PDE8B: variants seen among roughly 807,000 people sequenced by gnomAD.
The protein encoded by PDE8B is phosphodiesterase 8B.
A neutral mutation model predicts 101.3 loss-of-function variants in PDE8B; 26 were observed. The observed-to-expected ratio is 0.26, with a 90% CI of 0.19 to 0.36. PDE8B has a LOEUF of 0.36. Among genes scored for constraint, PDE8B ranks in the 10% least tolerant of loss-of-function variants. PDE8B has a pLI of 1.00. For missense variants in PDE8B, 810 were observed against 1,163.1 expected, an observed-to-expected ratio of 0.70 and a Z score of 4.42; for synonymous variants, 424 against 429.3, an observed-to-expected ratio of 0.99 and a Z score of 0.15.
rs895328683 is a variant in PDE8B at position 77,316,935 on chromosome 5, A to C, written c.399+4882A>C. On this transcript the variant is annotated intron_variant, in intron 2 of 21. Coordinates refer to ENST00000264917, the MANE Select transcript of PDE8B (RefSeq NM_003719.5). ...CTTTGAGTGAAGGACACAATAATTA[A>C]GGGTTTCTTTTAAAAAAGATAATAA... Among the ~76,000 whole-genome samples, 9 of 152,320 alleles carry C rather than the reference A, an allele frequency of 5.9e-5. No individual in the cohort carries two copies. In the East Asian group the frequency reaches 1.7e-3, roughly 29 times the overall value.
chr5:77,394,586 T>A (rs962759661), intron 10 of PDE8B, among the ~76,000 whole-genome samples: 2 of 152,314 alleles, frequency 1.3e-5, no homozygotes, highest in Non-Finnish European at 1.5e-5. Flanking sequence ...GCATATCCAA[T>A]TAATATTGCT....
At chr5:77,378,284 C>T (rs1343703300) in intron 10 of PDE8B, among the ~76,000 whole-genome samples, 2 of 151,660 alleles carry the variant, frequency 1.3e-5, no homozygotes, top group African/African-American at 4.8e-5. Context: ...CATGGTGAAA[C>T]CCTGTCTCTA....
chr5:77,324,065 A>G (rs1215889513), intron 2 of PDE8B, among the ~76,000 whole-genome samples: 1 of 152,214 alleles, frequency 6.6e-6, no homozygotes, highest in Non-Finnish European at 1.5e-5. Context: ...GTGTTTCACC[A>G]TGATGAATAT....
In PDE8B at chr5:77,408,873, T is replaced by C. The variant is rs1355591606; in HGVS notation, c.1366-20T>C. 6.2e-6 allele frequency: 10 copies of C among 1,602,602 alleles called. No homozygotes were observed. The highest frequency in any genetic ancestry group is 8.6e-6 in the Non-Finnish European group (10 of 1,169,556). ...TAGAACCCTATTATCCTCAGATGTA[T>C]TCTTTCTTCACTCCGTTAGGTTATA... is the stretch of plus-strand genomic sequence containing the variant. On this transcript the variant is annotated intron_variant, in intron 13 of 21. Transcript: ENST00000264917.
chr5:77,416,471 C>T (rs1440954266), intron 17 of PDE8B, among the ~76,000 whole-genome samples: 9 of 152,160 alleles, frequency 5.9e-5, no homozygotes, highest in African/African-American at 9.7e-5. Flanking sequence ...TGCAGGTGAC[C>T]GTGGCCTCTC....
chr5:77,210,695 C>T lies in PDE8B; in HGVS notation c.-231C>T, dbSNP rs1167642823. 4.1e-6 allele frequency: 4 copies of T among 980,560 alleles called. No homozygotes were observed. The highest frequency in any genetic ancestry group is 4.8e-6 in the Non-Finnish European group (4 of 827,850). 60.7% of individuals were successfully genotyped at this position (980,560 alleles called of 1,614,324 possible). ...GCGGGGCGCTGTGTATGCGCGCTCC[C>T]CCGCTCGGGGAGGAAGATGGCCCAA... On this transcript the variant is annotated 5_prime_UTR_variant, in exon 1 of 22. Transcript: ENST00000264917. This position sits in a 1 kb window ranked among gnomAD's most constrained non-coding sequence, Gnocchi z 4.9.
the PDE8B span, among the ~76,000 whole-genome samples, chr5:77,155,075 C>A: frequency 6.6e-6 from 1 of 152,116 alleles, no homozygotes; most frequent in African/African-American, 2.4e-5. Context: ...GGAATAACAG[C>A]CCATGTGGCC....
At chr5:77,302,466 C>A (rs1229203617) in intron 1 of PDE8B, among the ~76,000 whole-genome samples, 1 of 152,122 alleles carries the variant, frequency 6.6e-6, no homozygotes, top group African/African-American at 2.4e-5. Flanking sequence ...GTACTGCCTC[C>A]TTCTTTGCAG....
rs1042208068 is a variant in PDE8B at position 77,387,300 on chromosome 5, A to G, written c.1168-12948A>G. 4.6e-5 allele frequency among the ~76,000 whole-genome samples: 7 copies of G among 151,968 alleles called. 1 individual carries two copies. Among genetic ancestry groups the G allele is most frequent in the Admixed American group, 3.9e-4 (6 of 15,270 alleles). ...CTCGGTATTTGCTTGTCTGTAAAGGATTTTATTTCTCCTTCACTTATGAAG... is the reference window on the plus strand; with the variant it reads ...CTCGGTATTTGCTTGTCTGTAAAGGGTTTTATTTCTCCTTCACTTATGAAG... On this transcript the variant is annotated intron_variant, in intron 10 of 21. Coordinates refer to ENST00000264917, the MANE Select transcript of PDE8B (RefSeq NM_003719.5).
At chr5:77,423,829 G>T (rs1027261902) in intron 20 of PDE8B, among the ~76,000 whole-genome samples, 2 of 151,626 alleles carry the variant, frequency 1.3e-5, no homozygotes, top group African/African-American at 4.8e-5. Context: ...TAGAGATGGG[G>T]TTTCCCTGTG....
chr5:77,307,199 G>A (rs1041531684), intron 1 of PDE8B, among the ~76,000 whole-genome samples: 14 of 152,106 alleles, frequency 9.2e-5, no homozygotes, highest in South Asian at 2.1e-4. Flanking sequence ...CAGCACCTTC[G>A]CTTTCCTGCC....
At chr5:77,215,574 A>T (rs1749493470) in intron 1 of PDE8B, among the ~76,000 whole-genome samples, 1 of 152,214 alleles carries the variant, frequency 6.6e-6, no homozygotes, top group Non-Finnish European at 1.5e-5. Flanking sequence ...TCAAGCCAGG[A>T]TGTAACATAG....
chr5:77,278,180 T>C (rs1335177521), intron 1 of PDE8B, among the ~76,000 whole-genome samples: 3 of 152,164 alleles, frequency 2.0e-5, no homozygotes, highest in Non-Finnish European at 4.4e-5. Context: ...ACCTCTTCTA[T>C]AGGTAAACGT....
At chr5:77,318,249 A>C (rs1265856267) in intron 2 of PDE8B, among the ~76,000 whole-genome samples, 1 of 152,142 alleles carries the variant, frequency 6.6e-6, no homozygotes, top group Non-Finnish European at 1.5e-5. Flanking sequence ...AGACTCAGTA[A>C]CTTGCTGTGG....
chr5:77,267,795 G>A (rs537557228), intron 1 of PDE8B, among the ~76,000 whole-genome samples: 1 of 152,194 alleles, frequency 6.6e-6, no homozygotes, highest in Non-Finnish European at 1.5e-5. Context: ...TATGGTATGC[G>A]AAGTGATTAC....
the PDE8B span, among the ~76,000 whole-genome samples, chr5:77,096,604 C>G: frequency 1.3e-5 from 2 of 152,180 alleles, no homozygotes; most frequent in African/African-American, 4.8e-5. Context: ...GGGTAGGGCT[C>G]TCATGACTGA....
Position 77,425,916 on chromosome 5 carries a change from G to A in PDE8B, c.2548+20G>A. Reference sequence around the variant, plus strand: ...GGGATGGTAAGACAGTTACTGTTTTGTCACCCAAAGAAAATTGTTATACTT... The same window carrying A: ...GGGATGGTAAGACAGTTACTGTTTTATCACCCAAAGAAAATTGTTATACTT... On this transcript the variant is annotated intron_variant, in intron 21 of 21. Coordinates refer to ENST00000264917, the MANE Select transcript of PDE8B (RefSeq NM_003719.5). The A allele has an allele frequency of 6.2e-7, 1 of 1,609,756 alleles. No individual in the cohort carries two copies. Among genetic ancestry groups the A allele is most frequent in the Non-Finnish European group, 8.5e-7 (1 of 1,176,278 alleles).
chr5:77,135,778 A>T, the PDE8B span, among the ~76,000 whole-genome samples: 3 of 146,022 alleles, frequency 2.1e-5, no homozygotes, highest in African/African-American at 7.5e-5. Flanking sequence ...CCTGGCTGGA[A>T]TTTTTTTTTT....
intron 10 of PDE8B, among the ~76,000 whole-genome samples, chr5:77,356,433 T>C (rs1234768622): frequency 6.6e-6 from 1 of 152,156 alleles, no homozygotes; most frequent in Non-Finnish European, 1.5e-5. Context: ...TGTCTTGTTT[T>C]GTTTTGTTTT....
Sources: allele counts gnomAD v4.1 joint callset (sites outside exome capture counted in the v4.1 genomes callset), GRCh38; gene constraint gnomAD v4.1.1; non-coding constraint Gnocchi (gnomAD v3.1); transcripts MANE v1.5; gene names NCBI Gene and HGNC (gene_info 2026-07-23, HGNC 2026-07-21).